Variants in TEKT3 observed in about 807,000 individuals in gnomAD.
The protein encoded by TEKT3 is tektin 3.
Under a neutral mutation model 49.8 loss-of-function variants are expected in TEKT3, and 49 were observed. That is an observed-to-expected ratio of 0.98 (90% confidence interval 0.78 to 1.25). TEKT3 has a LOEUF of 1.25. Ranked by LOEUF, TEKT3 falls within the 50% of genes most tolerant of loss-of-function variation. The pLI, the probability that TEKT3 is intolerant of heterozygous loss-of-function variation, is 0.00. For missense variants in TEKT3, 595 were observed against 629.5 expected, an observed-to-expected ratio of 0.95 and a Z score of 0.59; for synonymous variants, 225 against 237.2, an observed-to-expected ratio of 0.95 and a Z score of 0.47.
chr17:15,342,934 G>A (rs1486028018), upstream of TEKT3, among the ~76,000 whole-genome samples: 1 of 152,166 alleles, frequency 6.6e-6, no homozygotes, highest in Non-Finnish European at 1.5e-5. Context: ...ACTCTGAGCT[G>A]TCTTTTTTTA....
chr17:15,307,159 C>G (rs1910587767), intron 8 of TEKT3, among the ~76,000 whole-genome samples: 1 of 152,250 alleles, frequency 6.6e-6, no homozygotes, highest in Admixed American at 6.5e-5. Context: ...TCATAATGAT[C>G]TCCTCTGTGA....
chr17:15,308,588 C>T, intron 8 of TEKT3, 76 bp downstream of exon 8: 8 of 1,551,294 alleles, frequency 5.2e-6, no homozygotes, highest in Non-Finnish European at 7.0e-6. Flanking sequence ...CAGAAAGCAG[C>T]TTTCTAAAGA....
chr17:15,318,518 T>TC (rs1255193397), intron 5 of TEKT3, among the ~76,000 whole-genome samples: 3 of 152,210 alleles, frequency 2.0e-5, no homozygotes, highest in South Asian at 2.1e-4. Context: ...CAGCAAGTAC[T>TC]CCATGTACTT....
chr17:15,331,098 T>A lies in TEKT3; in HGVS notation c.488A>T (p.Glu163Val). ...IGFWKSEIIH[E>V]LDEMIGETNA... Reference sequence around the variant, plus strand: ...TGTCTCTCCAATCATTTCATCCAACTCATGAATGATTTCAGATTTCCAAAA... The same window carrying A: ...TGTCTCTCCAATCATTTCATCCAACACATGAATGATTTCAGATTTCCAAAA... The change falls in exon 3 of 9, where the codon GAG (glutamate) becomes GTG (valine). Residue 163 changes from glutamate (E) to valine (V), a missense_variant. By Grantham distance (121) the Glu-to-Val change is moderately radical (BLOSUM62 -2). Transcript: ENST00000395930. 1 of 1,614,190 alleles carries A rather than the reference T, an allele frequency of 6.2e-7. No homozygotes were observed. The highest frequency in any genetic ancestry group is 8.5e-7 in the Non-Finnish European group (1 of 1,180,020).
Position 15,303,858 on chromosome 17 carries a change from G to T in TEKT3, c.*78C>A. 1 of 1,315,374 alleles carries T rather than the reference G, an allele frequency of 7.6e-7. No homozygotes were observed. Among genetic ancestry groups the T allele is most frequent in the Non-Finnish European group, 1.1e-6 (1 of 915,694 alleles). 81.5% of individuals were successfully genotyped at this position (1,315,374 alleles called of 1,614,324 possible). A position where few individuals can be genotyped will look rare whatever the true frequency, so the allele number is the denominator to read the frequency against. On this transcript the variant is annotated 3_prime_UTR_variant, in exon 9 of 9. Transcript: ENST00000395930. Reference sequence around the variant, plus strand: ...AATCCTTTAATAAGTGACTATATTAGCATTCGGTTCAAATGCTGAGACAGT... The same window carrying T: ...AATCCTTTAATAAGTGACTATATTATCATTCGGTTCAAATGCTGAGACAGT...
At chr17:15,319,573 C>G (rs2150741769) in intron 4 of TEKT3, among the ~76,000 whole-genome samples, 1 of 152,324 alleles carries the variant, frequency 6.6e-6, no homozygotes, top group East Asian at 1.9e-4. Flanking sequence ...AAAGAAGCTT[C>G]TCTCTGGCAG....
chr17:15,341,956 G>A (rs1912249810), upstream of TEKT3, among the ~76,000 whole-genome samples: 1 of 152,188 alleles, frequency 6.6e-6, no homozygotes, highest in African/African-American at 2.4e-5. Context: ...CATCAGGGCT[G>A]CCTGGAACCC....
chr17:15,304,200 C>A lies in TEKT3; in HGVS notation c.1257-48G>T. 1 of 1,587,482 alleles carries A rather than the reference C, an allele frequency of 6.3e-7. No homozygotes were observed. On this transcript the variant is annotated intron_variant, in intron 8 of 8. Transcript: ENST00000395930. The surrounding 1 kb of genome is among the most constrained non-coding windows in gnomAD (Gnocchi z 4.7). ...TGGTTAGGTCAGCATGTAGCTTACG[C>A]AACTCCAAGTACATCACATTGTAAC... is the stretch of plus-strand genomic sequence containing the variant.
Position 15,331,287 on chromosome 17 carries a change from T to A in TEKT3, c.299A>T (p.Tyr100Phe). 6.2e-7 allele frequency: 1 copy of A among 1,614,250 alleles called. No homozygotes were observed. Among genetic ancestry groups the A allele is most frequent in the South Asian group, 1.1e-5 (1 of 91,090 alleles). Residue 100 changes from tyrosine to phenylalanine, a missense_variant, in exon 3 of 9, where the codon TAC becomes TTC. Physicochemically the swap from Tyr to Phe is conservative, Grantham distance 22 (BLOSUM62 3). Coordinates refer to ENST00000395930, the MANE Select transcript of TEKT3 (RefSeq NM_031898.3). ...FFTRYTPDDW[Y>F]RSNLTNYQES... ...TTGATAGTTGGTTAAATTGGACCTG[T>A]ACCAGTCATCCGGTGTGTATCTTGT...
chr17:15,313,558 G>A (rs1000564172), intron 6 of TEKT3, among the ~76,000 whole-genome samples: 8 of 151,628 alleles, frequency 5.3e-5, no homozygotes, highest in Non-Finnish European at 8.8e-5. Context: ...CACCCAGGCT[G>A]GAGTGCAGTG....
chr17:15,312,146 G>T, intron 7 of TEKT3, 113 bp downstream of exon 7: 1 of 977,724 alleles, frequency 1.0e-6, no homozygotes, highest in East Asian at 2.5e-5. Context: ...GCTCTGTGTG[G>T]CCAGGCTGTC....
At chr17:15,319,498 C>T (rs1438817047) in intron 4 of TEKT3, among the ~76,000 whole-genome samples, 9 of 152,064 alleles carry the variant, frequency 5.9e-5, no homozygotes. Context: ...TTTAAATGCA[C>T]GGCTTCTTCT....
intron 4 of TEKT3, among the ~76,000 whole-genome samples, chr17:15,325,639 A>T (rs1426659276): frequency 6.6e-6 from 1 of 152,000 alleles, no homozygotes; most frequent in African/African-American, 2.4e-5. Flanking sequence ...CTACTCAAGT[A>T]ATGGAAACAC....
chr17:15,317,649 T>C (rs1911066496), intron 5 of TEKT3, among the ~76,000 whole-genome samples: 1 of 152,196 alleles, frequency 6.6e-6, no homozygotes, highest in African/African-American at 2.4e-5. Flanking sequence ...TCTTATTGGG[T>C]GGCATATTCG....
rs752438452 is a variant in TEKT3 at position 15,331,350 on chromosome 17, G to A, written c.236C>T (p.Thr79Ile). The A allele has an allele frequency of 5.0e-6, 8 of 1,614,204 alleles. 1 individual carries two copies. The Middle Eastern group carries it at 6.6e-4, about 133-fold the overall frequency. ...CTRSQRVSEN[T>I]MLPFVSNRTT... ...TCTGTTGGAAACAAAGGGAAGCATG[G>A]TATTCTCGGACACCCTCTGTGATCT... is the stretch of plus-strand genomic sequence containing the variant. The change falls in exon 3 of 9, where the codon ACC becomes ATC. Residue 79 changes from threonine (T) to isoleucine (I), a missense_variant. By Grantham distance (89) the Thr-to-Ile change is moderately conservative (BLOSUM62 -1). Transcript: ENST00000395930.
At chr17:15,342,305 G>A (rs1912259274), upstream of TEKT3, among the ~76,000 whole-genome samples, 1 of 152,218 alleles carries the variant, frequency 6.6e-6, no homozygotes, top group Non-Finnish European at 1.5e-5. Flanking sequence ...CAGTGGCAGA[G>A]CTAACACTAA....
intron 2 of TEKT3, among the ~76,000 whole-genome samples, chr17:15,332,262 CTT>C: frequency 6.6e-6 from 1 of 152,100 alleles, no homozygotes; most frequent in Non-Finnish European, 1.5e-5. Flanking sequence ...GACTTAGCCT[CTT>C]ATATCTAAAA....
intron 8 of TEKT3, among the ~76,000 whole-genome samples, chr17:15,305,019 C>T (rs1040535705): frequency 6.6e-6 from 1 of 152,154 alleles, no homozygotes; most frequent in African/African-American, 2.4e-5. Flanking sequence ...CATCCACAGC[C>T]GCTCCTGCAA....
intron 1 of TEKT3, chr17:15,340,383 A>C (rs936955425): frequency 2.7e-5 from 4 of 150,474 alleles, no homozygotes; most frequent in Admixed American, 6.6e-5. Context: ...AAAATACAAA[A>C]AAAAAAAAAA....
Sources: allele counts gnomAD v4.1 joint callset (sites outside exome capture counted in the v4.1 genomes callset), GRCh38; gene constraint gnomAD v4.1.1; non-coding constraint Gnocchi (gnomAD v3.1); transcripts MANE v1.5; gene names NCBI Gene and HGNC (gene_info 2026-07-23, HGNC 2026-07-21).